The following PPEF1 variants were observed in gnomAD, a reference collection of about 807,000 sequenced individuals.
PPEF1 encodes the protein serine/threonine-protein phosphatase with EF-hands 1.
A neutral mutation model predicts 53.3 loss-of-function variants in PPEF1; 12 were observed. That is an observed-to-expected ratio of 0.23 (90% CI 0.14 to 0.36). PPEF1 has a LOEUF of 0.36. PPEF1 is among the 10% of genes least tolerant of loss of function. The pLI, the probability that PPEF1 is intolerant of heterozygous loss-of-function variation, is 1.00. For synonymous variants in PPEF1, 165 were observed against 176.7 expected (o/e 0.93, Z 0.52); for missense variants, 334 against 490.4 (o/e 0.68, Z 3.01).
At chrX:18,714,858 T>C (rs753269774) in intron 1 of PPEF1, among the ~76,000 whole-genome samples, 2 of 111,854 alleles carry the variant, frequency 1.8e-5, no homozygotes, top group African/African-American at 3.2e-5. Flanking sequence ...AAAGGCAAAG[T>C]GATTGCCTCA....
At chrX:18,680,690 G>A (rs1464828505), upstream of PPEF1, among the ~76,000 whole-genome samples, 3 of 109,795 alleles carry the variant, frequency 2.7e-5, no homozygotes, top group African/African-American at 6.6e-5. Context: ...ATATGTATAC[G>A]TGTGCCATGT....
intron 3 of PPEF1, among the ~76,000 whole-genome samples, chrX:18,748,064 A>T (rs1355001238): frequency 8.9e-6 from 1 of 111,944 alleles, no homozygotes; most frequent in Non-Finnish European, 1.9e-5. Context: ...TCTGAGATAA[A>T]GTTGTCAAGA....
chrX:18,711,004 ATGTGTGTGTG>A (rs1042669862), intron 1 of PPEF1, among the ~76,000 whole-genome samples: 8 of 107,859 alleles, frequency 7.4e-5, no homozygotes, highest in Non-Finnish European at 1.3e-4. Context: ...GTGTGTATAT[ATGTGTGTGTG>A]TGTATGTGTG....
At chrX:18,750,633 A>C (rs2045423714) in intron 4 of PPEF1, among the ~76,000 whole-genome samples, 1 of 111,848 alleles carries the variant, frequency 8.9e-6, no homozygotes. Context: ...TTTTCATATA[A>C]ACATGTGTTC....
At chrX:18,774,492 G>C (rs961914450) in intron 6 of PPEF1, among the ~76,000 whole-genome samples, 1 of 112,184 alleles carries the variant, frequency 8.9e-6, no homozygotes, top group African/African-American at 3.2e-5. Context: ...CAGGCTCCTC[G>C]AATACAGGGA....
Position 18,803,303 on chromosome X carries a change from C to T in PPEF1, c.1066-589C>T, listed in dbSNP as rs774993610. Among the ~76,000 whole-genome samples the T allele has an allele frequency of 4.3e-3, 489 of 113,059 alleles. 1 individual carries two copies. Among genetic ancestry groups the T allele is most frequent in the African/African-American group, 0.015 (466 of 31,207 alleles). On this transcript the variant is annotated intron_variant, in intron 10 of 15. Transcript: ENST00000470157. The stretch of plus-strand genomic sequence containing the variant: ...TTAAGAATGCCTTTCAGCGGTTTTC[C>T]GCCCTGGGCAGGCCAGGTGTTCCTT...
chrX:18,794,006 C>G (rs1007739659), intron 10 of PPEF1, among the ~76,000 whole-genome samples: 10 of 111,927 alleles, frequency 8.9e-5, no homozygotes, highest in Admixed American at 9.4e-5. Context: ...CTTTAAGCTT[C>G]GGACCCATCT....
upstream of PPEF1, among the ~76,000 whole-genome samples, chrX:18,706,818 C>CTTT (rs767459911): frequency 9.7e-4 from 45 of 46,297 alleles, 5 homozygotes; most frequent in Non-Finnish European, 1.6e-3. Flanking sequence ...TTCAAACCTC[C>CTTT]TTTTTTTTTT....
chrX:18,818,297 T>A, intron 13 of PPEF1, 152 bp downstream of exon 13: 1 of 363,670 alleles, frequency 2.7e-6, no homozygotes, highest in Non-Finnish European at 4.7e-6. Flanking sequence ...CATTATTTGC[T>A]CAAAAAAGGC....
chrX:18,748,895 C>T (rs761811482), intron 3 of PPEF1, among the ~76,000 whole-genome samples: 1 of 112,179 alleles, frequency 8.9e-6, no homozygotes, highest in South Asian at 3.7e-4. Flanking sequence ...CAGTACAAGT[C>T]ATGAGCCCAG....
chrX:18,742,021 C>T (rs931863420), intron 3 of PPEF1, among the ~76,000 whole-genome samples: 1 of 110,109 alleles, frequency 9.1e-6, no homozygotes, highest in East Asian at 2.9e-4. Flanking sequence ...TGGTCTCGAA[C>T]TCCTGGCCTC....
chrX:18,679,542 A>G (rs1928799791), upstream of PPEF1, among the ~76,000 whole-genome samples: 1 of 111,628 alleles, frequency 9.0e-6, no homozygotes, highest in African/African-American at 3.3e-5. Flanking sequence ...GCTTTCTGTC[A>G]TCTCCCCAGC....
intron 5 of PPEF1, chrX:18,699,918 T>C (rs1418496923): frequency 8.8e-6 from 1 of 113,026 alleles, no homozygotes; most frequent in African/African-American, 3.2e-5. Context: ...TCTTATTTAC[T>C]GAAATTCTCT....
At chrX:18,773,272 A>AT (rs1238952869) in intron 6 of PPEF1, among the ~76,000 whole-genome samples, 1 of 112,061 alleles carries the variant, frequency 8.9e-6, no homozygotes, top group South Asian at 3.7e-4. Flanking sequence ...CATGAGTTGT[A>AT]TTTTTTTCAT....
At chrX:18,821,005 C>T (rs773454453) in intron 13 of PPEF1, among the ~76,000 whole-genome samples, 9 of 109,161 alleles carry the variant, frequency 8.2e-5, no homozygotes, top group East Asian at 3.0e-4. Context: ...GGGTGGATCA[C>T]GAGGTCAGGA....
intron 3 of PPEF1, among the ~76,000 whole-genome samples, chrX:18,746,104 G>A (rs1001604288): frequency 3.6e-5 from 4 of 111,663 alleles, no homozygotes; most frequent in Non-Finnish European, 7.5e-5. Context: ...ACTTGTAAAG[G>A]TATCATTTGC....
At chrX:18,791,606 C>A (rs7891033) in intron 10 of PPEF1, among the ~76,000 whole-genome samples, 19,044 of 111,292 alleles carry the variant, frequency 0.17, 2,003 homozygotes, top group African/African-American at 0.39. Flanking sequence ...GATTTTCCAC[C>A]TACAAGATTA....
intron 1 of PPEF1, among the ~76,000 whole-genome samples, chrX:18,714,726 A>G (rs1459390123): frequency 2.7e-5 from 3 of 112,513 alleles, no homozygotes; most frequent in East Asian, 5.6e-4. Flanking sequence ...AAATTTACTT[A>G]TATACAGTAC....
intron 1 of PPEF1, among the ~76,000 whole-genome samples, chrX:18,728,385 C>T (rs753339619): frequency 6.3e-5 from 7 of 110,407 alleles, no homozygotes; most frequent in African/African-American, 1.3e-4. Context: ...AAAGAATGAG[C>T]GCCAAGTGAA....
Sources: allele counts gnomAD v4.1 joint callset (sites outside exome capture counted in the v4.1 genomes callset), GRCh38; gene constraint gnomAD v4.1.1; transcripts MANE v1.5; gene names NCBI Gene and HGNC (gene_info 2026-07-23, HGNC 2026-07-21).